Variants in PARP4 observed in about 807,000 individuals in gnomAD.
The protein encoded by PARP4 is protein mono-ADP-ribosyltransferase PARP4.
Under a neutral mutation model 187.7 loss-of-function variants are expected in PARP4, and 120 were observed. The observed-to-expected ratio is 0.64, with a 90% CI of 0.55 to 0.74. The LOEUF (loss-of-function observed/expected upper bound fraction) is 0.74, where lower values mean the gene tolerates loss of function less well. PARP4 is among the 30% of genes least tolerant of loss of function. The pLI, the probability that PARP4 is intolerant of heterozygous loss-of-function variation, is 0.00. For synonymous variants in PARP4, 654 were observed against 740.9 expected (o/e 0.88, Z 1.90); for missense variants, 1,836 against 2,070.5 (o/e 0.89, Z 2.20).
At position 24,501,678 on chromosome 13, in the gene PARP4, G is replaced by C. The variant is rs776348052; in HGVS notation, c.289C>G (p.Pro97Ala). Residue 97 changes from proline to alanine, a missense_variant, in exon 3 of 34, where the codon CCC (proline) becomes GCC (alanine). This residue lies in a region of PARP4 where 1,147 missense variants were observed against 1,214.2 expected (regional missense o/e 0.94). Coordinates refer to ENST00000381989, the MANE Select transcript of PARP4 (RefSeq NM_006437.4). ...TCAGGAGGTGGTGTGATGTCCAGGGGCTTATAAGGATCATAATTCTTTACA... is the reference window on the plus strand; with the variant it reads ...TCAGGAGGTGGTGTGATGTCCAGGGCCTTATAAGGATCATAATTCTTTACA... Reference protein sequence around the residue: ...LDVKNYDPYKPLDITPPPDQK... With the variant: ...LDVKNYDPYKALDITPPPDQK... 4.3e-6 allele frequency: 7 copies of C among 1,613,308 alleles called. No individual in the cohort carries two copies. Among genetic ancestry groups the C allele is most frequent in the Non-Finnish European group, 5.9e-6 (7 of 1,179,350 alleles).
Position 24,435,206 on chromosome 13 carries a change from G to A in PARP4, c.3935C>T (p.Thr1312Ile), listed in dbSNP as rs1432028315. Residue 1312 changes from threonine (T) to isoleucine (I), a missense_variant, in exon 31 of 34, where the codon ACT becomes ATT. Thr to Ile is a moderately conservative substitution (Grantham distance 89). Coordinates refer to ENST00000381989, the MANE Select transcript of PARP4 (RefSeq NM_006437.4). ...FKKVSPWETS[T>I]SSFFPILAPA... ...AGCCAAAATAGGAAAAAAGCTAGAAGTAGATGTTTCCCATGGACTGACTTT... is the reference window on the plus strand; with the variant it reads ...AGCCAAAATAGGAAAAAAGCTAGAAATAGATGTTTCCCATGGACTGACTTT... The A allele has an allele frequency of 6.2e-6, 10 of 1,614,192 alleles. No homozygotes were observed. Among genetic ancestry groups the A allele is most frequent in the Non-Finnish European group, 8.5e-6 (10 of 1,180,030 alleles).
In PARP4 at chr13:24,480,414, C is replaced by T. The variant is rs1023090190; in HGVS notation, c.1449-2138G>A. ...TCAAGTGAAAGAAAGGGTTGTACATCTTTCACTTTAAATTAAAAGCTAGAA... is the reference window on the plus strand; with the variant it reads ...TCAAGTGAAAGAAAGGGTTGTACATTTTTCACTTTAAATTAAAAGCTAGAA... On this transcript the variant is annotated intron_variant, in intron 12 of 33. Coordinates refer to ENST00000381989, the MANE Select transcript of PARP4 (RefSeq NM_006437.4). Among the ~76,000 whole-genome samples the T allele has an allele frequency of 6.4e-4, 97 of 152,160 alleles. 1 individual carries two copies. Among genetic ancestry groups the T allele is most frequent in the Non-Finnish European group, 1.2e-4 (8 of 68,042 alleles).
Position 24,469,314 on chromosome 13 carries a change from C to CT in PARP4, c.2047-205dup, listed in dbSNP as rs1236461552. 2.0e-5 allele frequency among the ~76,000 whole-genome samples: 3 copies of CT among 152,102 alleles called. No individual in the cohort carries two copies. The East Asian group carries it at 5.8e-4, about 29-fold the overall frequency. On this transcript the variant is annotated intron_variant, in intron 16 of 33. Transcript: ENST00000381989. The stretch of plus-strand genomic sequence containing the variant: ...GAAAAGGCCAACTAAAGAGAAGTCT[C>CT]TTTCAGTTGGGATCAAAATATTTCA...
chr13:24,420,968 TTAAAG>T lies in PARP4; in HGVS notation c.*146_*150del, dbSNP rs1869712288. The T allele has an allele frequency of 1.0e-6, 1 of 971,236 alleles. No homozygotes were observed. The highest frequency in any genetic ancestry group is 3.4e-5 in the South Asian group (1 of 29,522). The allele number at this position is 971,236 out of a possible 1,614,324, so 60.2% of individuals were successfully genotyped here. On this transcript the variant is annotated 3_prime_UTR_variant, in exon 34 of 34. Coordinates refer to ENST00000381989, the MANE Select transcript of PARP4 (RefSeq NM_006437.4). The stretch of plus-strand genomic sequence containing the variant: ...CATTTTATTATTGCTTGTTAGTTGA[TTAAAG>T]TAATTCTTCTTCCACTTAATTTTTA...
intron 4 of PARP4, 106 bp downstream of exon 4, chr13:24,500,210 T>C: frequency 3.6e-6 from 2 of 551,846 alleles, no homozygotes; most frequent in Non-Finnish European, 3.1e-6. Flanking sequence ...CAAAATAAAT[T>C]AAAATAAGAA....
At position 24,477,773 on chromosome 13, in the gene PARP4, C is replaced by A; in HGVS notation, c.1717G>T (p.Asp573Tyr). The change falls in exon 14 of 34, where the codon GAC becomes TAC. Residue 573 changes from aspartate to tyrosine, a missense_variant. Around this residue, in one of 8 missense-constraint regions of PARP4, gnomAD observed 1,147 missense variants for 1,214.2 expected, o/e 0.94. Coordinates refer to ENST00000381989, the MANE Select transcript of PARP4 (RefSeq NM_006437.4). ...KFSMPGDQIKDFHPSDHTELE... is the reference protein window; with the variant it reads ...KFSMPGDQIKYFHPSDHTELE... ...TCAGTATGATCACTAGGATGAAAGT[C>A]CTTTATCTGATCTCCAGGCATGGAA... 1.3e-6 allele frequency: 2 copies of A among 1,579,122 alleles called. No individual in the cohort carries two copies. The highest frequency in any genetic ancestry group is 1.7e-6 in the Non-Finnish European group (2 of 1,154,744).
Position 24,421,121 on chromosome 13 carries a change from A to C in PARP4, c.5173T>G (p.Ter1725GluextTer3). The change falls in exon 34 of 34, where the codon TAA (stop) becomes GAA (glutamate). Residue 1725 changes from the stop codon to glutamate, a stop_lost. Coordinates refer to ENST00000381989, the MANE Select transcript of PARP4 (RefSeq NM_006437.4). The part of the protein sequence containing the change: ...LHRVLHYSQG[*>E] ...TTTAAAATTCAGTTTCATTTGACTT[A>C]GCCTTGACTGTAATGGAGGACTCTA... is the stretch of plus-strand genomic sequence containing the variant. 2 of 1,402,304 alleles carry C rather than the reference A, an allele frequency of 1.4e-6. No individual in the cohort carries two copies. The highest frequency in any genetic ancestry group is 2.6e-4 in the Middle Eastern group (1 of 3,776). The allele number at this position is 1,402,304 out of a possible 1,614,324, so 86.9% of individuals were successfully genotyped here.
At chr13:24,482,964 G>A (rs1056034364) in intron 12 of PARP4, among the ~76,000 whole-genome samples, 1 of 152,042 alleles carries the variant, frequency 6.6e-6, no homozygotes, top group African/African-American at 2.4e-5. Context: ...TTCCACTGTC[G>A]ATGGACATCT....
At chr13:24,489,434 C>T (rs1868500728) in intron 10 of PARP4, among the ~76,000 whole-genome samples, 1 of 151,906 alleles carries the variant, frequency 6.6e-6, no homozygotes, top group African/African-American at 2.4e-5. Flanking sequence ...GCAGTGAAAC[C>T]CCGTCTCTAC....
intron 32 of PARP4, among the ~76,000 whole-genome samples, chr13:24,428,842 G>C (rs909529684): frequency 1.1e-4 from 16 of 152,160 alleles, no homozygotes; most frequent in Non-Finnish European, 1.9e-4. Flanking sequence ...ATAGTGCTTG[G>C]AGTTCTGCTG....
chr13:24,450,163 C>T (rs1266031422), intron 24 of PARP4, among the ~76,000 whole-genome samples: 1 of 152,002 alleles, frequency 6.6e-6, no homozygotes, highest in African/African-American at 2.4e-5. Context: ...CCATAAATAA[C>T]AATATTACCT....
chr13:24,429,212 G>C (rs4770673), intron 32 of PARP4, among the ~76,000 whole-genome samples: 142,673 of 152,246 alleles, frequency 0.94, 66,989 homozygotes, highest in East Asian at 0.99. Context: ...GAGATTCTGC[G>C]ATTCACCCAT....
intron 30 of PARP4, among the ~76,000 whole-genome samples, chr13:24,438,112 A>C (rs971802543): frequency 6.6e-6 from 1 of 152,042 alleles, no homozygotes; most frequent in Non-Finnish European, 1.5e-5. Flanking sequence ...CTTTCCCTTC[A>C]AGTTCACAAT....
intron 30 of PARP4, among the ~76,000 whole-genome samples, chr13:24,436,759 GT>G (rs1350422713): frequency 6.6e-6 from 1 of 152,114 alleles, no homozygotes; most frequent in African/African-American, 2.4e-5. Context: ...ATAAAATCCA[GT>G]TTTATATGCA....
rs1555231643 is a variant in PARP4, at chr13:24,425,605, C to CTATCTATATATATA, written c.4979+860_4979+861insTATATATATAGATA. Among the ~76,000 whole-genome samples the CTATCTATATATATA allele has an allele frequency of 6.2e-3, 912 of 146,910 alleles. 15 individuals are homozygous for CTATCTATATATATA. Among genetic ancestry groups the CTATCTATATATATA allele is most frequent in the African/African-American group, 0.022 (851 of 38,864 alleles). On this transcript the variant is annotated intron_variant, in intron 33 of 33. Transcript: ENST00000381989. The stretch of plus-strand genomic sequence containing the variant: ...TCTATATCTATATCTATATCTATAT[C>CTATCTATATATATA]TATATATCTCAGAGGGATCCTACTC...
chr13:24,470,031 G>T lies in PARP4; in HGVS notation c.1915-6C>A. On this transcript the variant is annotated splice_region_variant and splice_polypyrimidine_tract_variant and intron_variant, in intron 15 of 33. Transcript: ENST00000381989. Reference sequence around the variant, plus strand: ...TATGTCTGAAAAACAATGACCTGAAGAAGAAAAAAAATCCATACAATTGAT... The same window carrying T: ...TATGTCTGAAAAACAATGACCTGAATAAGAAAAAAAATCCATACAATTGAT... The T allele has an allele frequency of 6.2e-7, 1 of 1,605,576 alleles. No individual in the cohort carries two copies. Among genetic ancestry groups the T allele is most frequent in the Non-Finnish European group, 8.5e-7 (1 of 1,176,662 alleles).
At chr13:24,507,111 C>T (rs1412394891) in intron 1 of PARP4, among the ~76,000 whole-genome samples, 5 of 152,212 alleles carry the variant, frequency 3.3e-5, no homozygotes, top group South Asian at 2.1e-4. Flanking sequence ...GTGCGGGGAC[C>T]GCCCAGCCCA....
intron 7 of PARP4, among the ~76,000 whole-genome samples, 173 bp from the exon 8 acceptor site, chr13:24,493,906 C>T (rs1275654942): frequency 6.6e-6 from 1 of 152,134 alleles, no homozygotes; most frequent in African/African-American, 2.4e-5. Context: ...CTCTGTCTTC[C>T]TCCATTCTCT....
In PARP4 at chr13:24,435,536, C is replaced by A. The variant is rs1593590151; in HGVS notation, c.3667-62G>T. On this transcript the variant is annotated intron_variant, in intron 30 of 33. Transcript: ENST00000381989. ...ACACAGAATAAAAAGAACAATCAAGCAAACATTCTTCCTAGCACTTGACTT... is the reference window on the plus strand; with the variant it reads ...ACACAGAATAAAAAGAACAATCAAGAAAACATTCTTCCTAGCACTTGACTT... 4.7e-6 allele frequency: 7 copies of A among 1,492,732 alleles called. No individual in the cohort carries two copies. In the East Asian group the frequency reaches 1.6e-4, roughly 34 times the overall value. 92.5% of individuals were successfully genotyped at this position (1,492,732 alleles called of 1,614,324 possible). A position where few individuals can be genotyped will look rare whatever the true frequency, so the allele number is the denominator to read the frequency against.
Sources: allele counts gnomAD v4.1 joint callset (sites outside exome capture counted in the v4.1 genomes callset), GRCh38; gene constraint gnomAD v4.1.1; regional missense constraint gnomAD v4.1.1; transcripts MANE v1.5; gene names NCBI Gene and HGNC (gene_info 2026-07-23, HGNC 2026-07-21).